Variants in TENM3 observed in about 807,000 individuals in gnomAD.
The protein encoded by TENM3 is teneurin transmembrane protein 3, also known as teneurin-3.
A neutral mutation model predicts 255.1 loss-of-function variants in TENM3; 63 were observed. The ratio of observed to expected loss-of-function variants is 0.25; its 90% CI spans 0.20 to 0.30. The LOEUF (loss-of-function observed/expected upper bound fraction) is 0.30, where lower values mean the gene tolerates loss of function less well. TENM3 is among the 10% of genes least tolerant of loss of function. TENM3 has a pLI of 1.00. For synonymous variants in TENM3, 1,306 were observed against 1,322.3 expected (o/e 0.99, Z 0.27); for missense variants, 2,929 against 3,461.1 (o/e 0.85, Z 3.86).
the TENM3 span, among the ~76,000 whole-genome samples, chr4:181,475,746 T>C: frequency 1.3e-5 from 2 of 152,246 alleles, no homozygotes; most frequent in East Asian, 3.8e-4. Flanking sequence ...GAAGATTAAC[T>C]TAAGTTAAAG....
At chr4:182,399,127 A>G (rs566320441) in intron 3 of TENM3, among the ~76,000 whole-genome samples, 1 of 152,348 alleles carries the variant, frequency 6.6e-6, no homozygotes, top group South Asian at 2.1e-4. Context: ...ATAAATCATT[A>G]CATACAATCC....
intron 1 of TENM3, among the ~76,000 whole-genome samples, chr4:182,208,846 G>T (rs936210902): frequency 1.3e-5 from 2 of 152,170 alleles, no homozygotes; most frequent in African/African-American, 4.8e-5. Flanking sequence ...GCTTGCCTCT[G>T]TTGCAACGTT....
At chr4:181,657,524 T>G in the TENM3 span, among the ~76,000 whole-genome samples, 5 of 152,118 alleles carry the variant, frequency 3.3e-5, no homozygotes, top group African/African-American at 1.2e-4. Context: ...ATAACAGGTG[T>G]TGGTGATACT....
the TENM3 span, among the ~76,000 whole-genome samples, chr4:181,678,266 A>T: frequency 2.6e-5 from 4 of 152,098 alleles, no homozygotes; most frequent in Non-Finnish European, 5.9e-5. Flanking sequence ...GTGCAAGGGA[A>T]GAAGGGGTTT....
chr4:181,709,888 G>A, the TENM3 span, among the ~76,000 whole-genome samples: 1 of 152,220 alleles, frequency 6.6e-6, no homozygotes, highest in Non-Finnish European at 1.5e-5. Context: ...TCAAGTTTTT[G>A]TCTTGCATGA....
chr4:181,609,654 C>T, the TENM3 span, among the ~76,000 whole-genome samples: 1 of 152,240 alleles, frequency 6.6e-6, no homozygotes, highest in South Asian at 2.1e-4. Context: ...TGCATTTGGC[C>T]ACATCAGGTG....
At chr4:182,520,243 A>G (rs1309309701) in intron 3 of TENM3, among the ~76,000 whole-genome samples, 2 of 152,210 alleles carry the variant, frequency 1.3e-5, no homozygotes, top group Non-Finnish European at 2.9e-5. Context: ...CAAGGTCATA[A>G]GATACAAGAC....
the TENM3 span, among the ~76,000 whole-genome samples, chr4:181,920,527 G>A: frequency 1.3e-5 from 2 of 152,192 alleles, no homozygotes; most frequent in African/African-American, 2.4e-5. Flanking sequence ...CTGCATAAAT[G>A]TCTTCTCTTG....
chr4:181,552,683 G>A, the TENM3 span, among the ~76,000 whole-genome samples: 1 of 152,120 alleles, frequency 6.6e-6, no homozygotes, highest in Non-Finnish European at 1.5e-5. Flanking sequence ...TTATTATTAT[G>A]TTCTTCTGGG....
chr4:182,128,682 T>C, the TENM3 span, among the ~76,000 whole-genome samples: 1 of 152,206 alleles, frequency 6.6e-6, no homozygotes, highest in South Asian at 2.1e-4. Flanking sequence ...GTTAGTAAAT[T>C]TGAGAATTTT....
intron 1 of TENM3, among the ~76,000 whole-genome samples, chr4:182,166,105 T>G (rs552260322): frequency 6.6e-6 from 1 of 152,276 alleles, no homozygotes; most frequent in Non-Finnish European, 1.5e-5. Context: ...AAAATGTGCG[T>G]TTATGTATGT....
chr4:182,352,407 T>G (rs1262425444), intron 3 of TENM3, among the ~76,000 whole-genome samples: 1 of 152,168 alleles, frequency 6.6e-6, no homozygotes, highest in African/African-American at 2.4e-5. Context: ...AGTGTTTCCC[T>G]CAAAGGCATG....
rs141406098 is a variant in TENM3, at chr4:182,802,464, G to A, written c.*2113G>A. 6.1e-3 allele frequency: 932 copies of A among 152,690 alleles called. 7 individuals are homozygous for A. The highest frequency in any genetic ancestry group is 9.2e-3 in the Non-Finnish European group (624 of 68,014). The allele number at this position is 152,690 out of a possible 1,614,324, so 9.5% of individuals were successfully genotyped here. ...TTTAGCATGCTGTAAGTACTTTTGG[G>A]TGAAATAGGCTCTGAGTCTAAATTC... On this transcript the variant is annotated 3_prime_UTR_variant, in exon 28 of 28. Coordinates refer to ENST00000511685, the MANE Select transcript of TENM3 (RefSeq NM_001080477.4).
the TENM3 span, among the ~76,000 whole-genome samples, chr4:181,517,476 G>A: frequency 2.6e-5 from 4 of 152,198 alleles, no homozygotes; most frequent in Non-Finnish European, 5.9e-5. Context: ...GCCCTGCAGA[G>A]CCAGGCTGTA....
the TENM3 span, among the ~76,000 whole-genome samples, chr4:181,720,802 T>TG: frequency 9.2e-3 from 1,402 of 152,246 alleles, 28 homozygotes; most frequent in African/African-American, 0.032. Flanking sequence ...ATTTTATTTT[T>TG]GAAAAAAAAT....
the TENM3 span, among the ~76,000 whole-genome samples, chr4:181,920,677 G>C: frequency 2.6e-4 from 39 of 151,674 alleles, no homozygotes; most frequent in Middle Eastern, 3.4e-3. Context: ...CTCCCATTTT[G>C]TAGGTTGCCT....
chr4:182,396,097 C>T (rs1450769423), intron 3 of TENM3, among the ~76,000 whole-genome samples: 2 of 152,082 alleles, frequency 1.3e-5, no homozygotes, highest in African/African-American at 2.4e-5. Flanking sequence ...AAAAGAATTT[C>T]AGCTTTGAGA....
At chr4:182,562,525 A>G (rs961325101) in intron 3 of TENM3, among the ~76,000 whole-genome samples, 1 of 151,878 alleles carries the variant, frequency 6.6e-6, no homozygotes, top group Non-Finnish European at 1.5e-5. Context: ...TTTCCGTGCC[A>G]TTTTTCACTC....
At chr4:182,289,330 C>G (rs755634475) in intron 1 of TENM3, among the ~76,000 whole-genome samples, 12 of 152,250 alleles carry the variant, frequency 7.9e-5, no homozygotes, top group Admixed American at 2.0e-4. Context: ...CTTACTCTAT[C>G]TACAGCGGCC....
Sources: allele counts gnomAD v4.1 joint callset (sites outside exome capture counted in the v4.1 genomes callset), GRCh38; gene constraint gnomAD v4.1.1; transcripts MANE v1.5; gene names NCBI Gene and HGNC (gene_info 2026-07-23, HGNC 2026-07-21).